Variants in GTSE1 observed in about 807,000 individuals in gnomAD.
GTSE1 encodes G2 and S-phase expressed 1, also known as G2 and S phase-expressed protein 1.
In GTSE1, 52 loss-of-function variants were observed where a neutral mutation model predicts 60.5. The ratio of observed to expected loss-of-function variants is 0.86; its 90% CI spans 0.69 to 1.08. GTSE1 has a LOEUF of 1.08. Among genes scored for constraint, GTSE1 ranks in the 50% least tolerant of loss-of-function variants. The probability of loss-of-function intolerance (pLI) is 0.00; values close to 1 mark genes in which losing one functional copy is unlikely to be tolerated. For synonymous variants in GTSE1, 368 were observed against 386.5 expected (o/e 0.95, Z 0.56); for missense variants, 937 against 961.8 (o/e 0.97, Z 0.34).
At chr22:46,311,993 C>G in intron 4 of GTSE1, 148 bp from the exon 5 acceptor site, 1 of 645,176 alleles carries the variant, frequency 1.5e-6, no homozygotes, top group Non-Finnish European at 2.7e-6. Flanking sequence ...AACTGCTTGC[C>G]CTGTTCCCTT....
chr22:46,325,233 G>T (rs916417165), intron 8 of GTSE1, among the ~76,000 whole-genome samples: 3 of 152,168 alleles, frequency 2.0e-5, no homozygotes, highest in Non-Finnish European at 4.4e-5. Flanking sequence ...GACTCGCTCT[G>T]TCACCTAGGC....
chr22:46,310,609 C>A lies in GTSE1; in HGVS notation c.763-1532C>A, dbSNP rs191680938. Among the ~76,000 whole-genome samples the A allele has an allele frequency of 2.6e-5, 4 of 152,288 alleles. No individual in the cohort carries two copies. In the East Asian group the frequency reaches 7.7e-4, roughly 29 times the overall value. On this transcript the variant is annotated intron_variant, in intron 4 of 11. Transcript: ENST00000454366. The surrounding 1 kb of genome is among the most constrained non-coding windows in gnomAD (Gnocchi z 4.4). ...ATTGGGTAACGAAAATGCAGTCTAT[C>A]CAAACAATGGTTTATTTTTGGCAAT...
At position 46,317,332 on chromosome 22, in the gene GTSE1, C is replaced by T. The variant is rs573367843; in HGVS notation, c.1432+920C>T. On this transcript the variant is annotated intron_variant, in intron 7 of 11. Coordinates refer to ENST00000454366, the MANE Select transcript of GTSE1 (RefSeq NM_016426.7). This position sits in a 1 kb window ranked among gnomAD's most constrained non-coding sequence, Gnocchi z 5.6. ...GTCAGATATCATTTCTTCTGCAGTG[C>T]CTAACAGCTGTGAAGCCCATCCAGT... Among the ~76,000 whole-genome samples the T allele has an allele frequency of 4.7e-4, 72 of 152,272 alleles. No homozygotes were observed. The highest frequency in any genetic ancestry group is 1.7e-3 in the African/African-American group (71 of 41,558).
chr22:46,316,508 T>C lies in GTSE1; in HGVS notation c.1432+96T>C. ...TTATTGATGGCATTGATGGTGTTTT[T>C]AGTTCTTTCCTCCAACAGTGCTTTC... On this transcript the variant is annotated intron_variant, in intron 7 of 11. Transcript: ENST00000454366. The surrounding 1 kb of genome is among the most constrained non-coding windows in gnomAD (Gnocchi z 5.0). The C allele has an allele frequency of 1.1e-6, 1 of 914,562 alleles. No individual in the cohort carries two copies. Among genetic ancestry groups the C allele is most frequent in the Non-Finnish European group, 1.7e-6 (1 of 594,178 alleles). 56.7% of individuals were successfully genotyped at this position (914,562 alleles called of 1,614,324 possible).
Position 46,316,872 on chromosome 22 carries a change from G to A in GTSE1, c.1432+460G>A, listed in dbSNP as rs1193603478. Among the ~76,000 whole-genome samples the A allele has an allele frequency of 2.0e-5, 3 of 151,776 alleles. No homozygotes were observed. The highest frequency in any genetic ancestry group is 6.6e-5 in the Admixed American group (1 of 15,244). ...TCACATCTATTTCAGGCCTCTTGAC[G>A]TTGTCTCACAGGACACCGAAGCTCT... On this transcript the variant is annotated intron_variant, in intron 7 of 11. Transcript: ENST00000454366. This position sits in a 1 kb window ranked among gnomAD's most constrained non-coding sequence, Gnocchi z 5.0.
Position 46,330,154 on chromosome 22 carries a change from A to G in GTSE1, c.*24A>G. The G allele has an allele frequency of 7.0e-7, 1 of 1,434,936 alleles. No homozygotes were observed. Among genetic ancestry groups the G allele is most frequent in the South Asian group, 1.1e-5 (1 of 87,422 alleles). The allele number at this position is 1,434,936 out of a possible 1,614,324, so 88.9% of individuals were successfully genotyped here. A position where few individuals can be genotyped will look rare whatever the true frequency, so the allele number is the denominator to read the frequency against. On this transcript the variant is annotated 3_prime_UTR_variant, in exon 12 of 12. Coordinates refer to ENST00000454366, the MANE Select transcript of GTSE1 (RefSeq NM_016426.7). This position sits in a 1 kb window ranked among gnomAD's most constrained non-coding sequence, Gnocchi z 6.0. ...AAGCCGAACCAAATCCTTTGCCTTG[A>G]AAGAACAGCCCTAAAGTGGTTTTCA...
chr22:46,312,601 T>C (rs1325727467), intron 5 of GTSE1, among the ~76,000 whole-genome samples: 19 of 142,540 alleles, frequency 1.3e-4, no homozygotes, highest in Non-Finnish European at 1.1e-4. Context: ...ATCACGCCAC[T>C]GCACTCCAGG....
chr22:46,300,561 A>G (rs2077683906), intron 2 of GTSE1, among the ~76,000 whole-genome samples: 1 of 151,916 alleles, frequency 6.6e-6, no homozygotes, highest in Non-Finnish European at 1.5e-5. Context: ...ACGCTTTGAT[A>G]TTTTCTCAGA....
rs2077805787 is a variant in GTSE1, at chr22:46,320,405, A to T, written c.1433-2785A>T. Reference sequence around the variant, plus strand: ...GGGTCAAAACTGGTCCCACAAACTCAGCACTGGCCGGAAGAGAGGCCCCAG... The same window carrying T: ...GGGTCAAAACTGGTCCCACAAACTCTGCACTGGCCGGAAGAGAGGCCCCAG... On this transcript the variant is annotated intron_variant, in intron 7 of 11. Transcript: ENST00000454366. This position sits in a 1 kb window ranked among gnomAD's most constrained non-coding sequence, Gnocchi z 7.1. 6.6e-6 allele frequency among the ~76,000 whole-genome samples: 1 copy of T among 152,098 alleles called. No homozygotes were observed. The highest frequency in any genetic ancestry group is 6.5e-5 in the Admixed American group (1 of 15,284).
chr22:46,321,431 C>T lies in GTSE1; in HGVS notation c.1433-1759C>T, dbSNP rs1046663879. Among the ~76,000 whole-genome samples, 3 of 152,110 alleles carry T rather than the reference C, an allele frequency of 2.0e-5. No homozygotes were observed. Among genetic ancestry groups the T allele is most frequent in the African/African-American group, 4.8e-5 (2 of 41,424 alleles). On this transcript the variant is annotated intron_variant, in intron 7 of 11. Coordinates refer to ENST00000454366, the MANE Select transcript of GTSE1 (RefSeq NM_016426.7). The surrounding 1 kb of genome is among the most constrained non-coding windows in gnomAD (Gnocchi z 4.0). ...GTAAGAAAGAAAAGAAACAAACAAA[C>T]TGAAAACGGAGGTGGAGAGAGGGTG...
chr22:46,297,388 G>C lies in GTSE1; in HGVS notation c.-13G>C, dbSNP rs1455402460. On this transcript the variant is annotated 5_prime_UTR_variant, in exon 2 of 12. Transcript: ENST00000454366. The surrounding 1 kb of genome is among the most constrained non-coding windows in gnomAD (Gnocchi z 4.9). The stretch of plus-strand genomic sequence containing the variant: ...CCCGTTCCACCCTGCAGTGACTTCT[G>C]ACAGCTCTCTCCATGGAAGGAGGCG... The C allele has an allele frequency of 6.2e-7, 1 of 1,606,640 alleles. No individual in the cohort carries two copies. Among genetic ancestry groups the C allele is most frequent in the East Asian group, 2.2e-5 (1 of 44,832 alleles).
rs2077792728 is a variant in GTSE1 at position 46,318,343 on chromosome 22, A to C, written c.1432+1931A>C. On this transcript the variant is annotated intron_variant, in intron 7 of 11. Transcript: ENST00000454366. The surrounding 1 kb of genome is among the most constrained non-coding windows in gnomAD (Gnocchi z 4.8). Reference sequence around the variant, plus strand: ...TGCAACTCCCAGAAACTGCATTCTGAGTCCTGCTGTAGGAACAAGCTGTTC... The same window carrying C: ...TGCAACTCCCAGAAACTGCATTCTGCGTCCTGCTGTAGGAACAAGCTGTTC... 6.6e-6 allele frequency among the ~76,000 whole-genome samples: 1 copy of C among 152,190 alleles called. No homozygotes were observed. The highest frequency in any genetic ancestry group is 2.4e-5 in the African/African-American group (1 of 41,450).
In GTSE1 at chr22:46,318,571, G is replaced by A. The variant is rs1220725020; in HGVS notation, c.1432+2159G>A. ...GCATGTTTGGGGAGGAATTTGCATC[G>A]GGTGGTTCTTTGGCAAAGATGGTCA... On this transcript the variant is annotated intron_variant, in intron 7 of 11. Transcript: ENST00000454366. This position sits in a 1 kb window ranked among gnomAD's most constrained non-coding sequence, Gnocchi z 4.8. Among the ~76,000 whole-genome samples the A allele has an allele frequency of 6.6e-6, 1 of 152,140 alleles. No individual in the cohort carries two copies. Among genetic ancestry groups the A allele is most frequent in the East Asian group, 1.9e-4 (1 of 5,198 alleles).
chr22:46,329,791 C>T lies in GTSE1; in HGVS notation c.2136+224C>T, dbSNP rs374441800. 2.2e-4 allele frequency among the ~76,000 whole-genome samples: 34 copies of T among 152,318 alleles called. No homozygotes were observed. Among genetic ancestry groups the T allele is most frequent in the African/African-American group, 7.2e-4 (30 of 41,556 alleles). ...CTGCCAGCTCTTGTTGGACAGGGAC[C>T]GCCTCTCTCCTGCCCATAGACCCCA... is the stretch of plus-strand genomic sequence containing the variant. On this transcript the variant is annotated intron_variant, in intron 11 of 11. Coordinates refer to ENST00000454366, the MANE Select transcript of GTSE1 (RefSeq NM_016426.7). The surrounding 1 kb of genome is among the most constrained non-coding windows in gnomAD (Gnocchi z 6.4).
chr22:46,329,100 A>T lies in GTSE1; in HGVS notation c.1926+211A>T, dbSNP rs2077861144. The T allele has an allele frequency of 3.2e-6, 2 of 620,452 alleles. No homozygotes were observed. Among genetic ancestry groups the T allele is most frequent in the South Asian group, 3.8e-5 (2 of 52,428 alleles). The allele number at this position is 620,452 out of a possible 1,614,324, so 38.4% of individuals were successfully genotyped here. A position where few individuals can be genotyped will look rare whatever the true frequency, so the allele number is the denominator to read the frequency against. ...CCTGCATTTGACTAAGGCAAGGGTC[A>T]GGGATCAAAGCTGAGGAAGCGGGAA... On this transcript the variant is annotated intron_variant, in intron 10 of 11. Coordinates refer to ENST00000454366, the MANE Select transcript of GTSE1 (RefSeq NM_016426.7). The surrounding 1 kb of genome is among the most constrained non-coding windows in gnomAD (Gnocchi z 6.4).
Position 46,323,127 on chromosome 22 carries a change from C to T in GTSE1, c.1433-63C>T, listed in dbSNP as rs962474762. On this transcript the variant is annotated intron_variant, in intron 7 of 11. Transcript: ENST00000454366. ...GAGAATTGCCCATTCGGTGACGATC[C>T]CCCAACAGTAGGTCTCCCCCTGATC... 7 of 1,059,958 alleles carry T rather than the reference C, an allele frequency of 6.6e-6. No individual in the cohort carries two copies. In the African/African-American group the frequency reaches 9.4e-5, roughly 14 times the overall value. The allele number at this position is 1,059,958 out of a possible 1,614,324, so 65.7% of individuals were successfully genotyped here. A position where few individuals can be genotyped will look rare whatever the true frequency, so the allele number is the denominator to read the frequency against.
At chr22:46,323,055 C>T in intron 7 of GTSE1, 135 bp from the exon 8 acceptor site, 1 of 716,898 alleles carries the variant, frequency 1.4e-6, no homozygotes, top group Non-Finnish European at 2.6e-6. Context: ...GTGTACTTGT[C>T]TGAGCCAGTG....
chr22:46,298,250 A>C (rs765535269), intron 2 of GTSE1, among the ~76,000 whole-genome samples: 1 of 151,486 alleles, frequency 6.6e-6, no homozygotes, highest in Non-Finnish European at 1.5e-5. Flanking sequence ...GGTGTGAGCC[A>C]CCTCACCCAG....
At position 46,313,952 on chromosome 22, in the gene GTSE1, C is replaced by T. The variant is rs2077763770; in HGVS notation, c.990C>T (p.Ser330=). Residue 330 remains serine (S), a synonymous_variant, in exon 6 of 12, where the codon TCC becomes TCT. Transcript: ENST00000454366. This position sits in a 1 kb window ranked among gnomAD's most constrained non-coding sequence, Gnocchi z 4.4. ...PGSTSNLARK[S]SSGPVWSGAS... is the part of the protein sequence containing the mutation. ...CTACCAGCAATCTCGCAAGGAAGTCCTCCTCGGGGCCTGTTTGGAGCGGGG... is the reference window on the plus strand; with the variant it reads ...CTACCAGCAATCTCGCAAGGAAGTCTTCCTCGGGGCCTGTTTGGAGCGGGG... 1 of 1,614,096 alleles carries T rather than the reference C, an allele frequency of 6.2e-7. No homozygotes were observed. The highest frequency in any genetic ancestry group is 8.5e-7 in the Non-Finnish European group (1 of 1,180,008).
Sources: allele counts gnomAD v4.1 joint callset (sites outside exome capture counted in the v4.1 genomes callset), GRCh38; gene constraint gnomAD v4.1.1; non-coding constraint Gnocchi (gnomAD v3.1); transcripts MANE v1.5; gene names NCBI Gene and HGNC (gene_info 2026-07-23, HGNC 2026-07-21).